The following RFC1 variants were observed in gnomAD, a reference collection of about 807,000 sequenced individuals.
The protein encoded by RFC1 is A1 140 kDa subunit.
A neutral mutation model predicts 137.4 loss-of-function variants in RFC1; 37 were observed. That is an observed-to-expected ratio of 0.27 (90% confidence interval 0.21 to 0.35). The LOEUF is 0.35. RFC1 is among the 10% of genes least tolerant of loss of function. The pLI, the probability that RFC1 is intolerant of heterozygous loss-of-function variation, is 1.00. For missense variants in RFC1, 1,205 were observed against 1,358.5 expected, an observed-to-expected ratio of 0.89 and a Z score of 1.78; for synonymous variants, 429 against 455.7, an observed-to-expected ratio of 0.94 and a Z score of 0.75.
chr4:39,311,427 C>T lies in RFC1; in HGVS notation c.1488+18G>A, dbSNP rs1427911725. 8 of 1,596,320 alleles carry T rather than the reference C, an allele frequency of 5.0e-6. No individual in the cohort carries two copies. Among genetic ancestry groups the T allele is most frequent in the African/African-American group, 1.3e-5 (1 of 74,514 alleles). On this transcript the variant is annotated intron_variant, in intron 12 of 24. Coordinates refer to ENST00000349703, the MANE Select transcript of RFC1 (RefSeq NM_002913.5). ...AGTTAATATACACCAACTTAAATCA[C>T]ATTCATTTTATACGAACCTCAGTTT...
At chr4:39,356,441 C>G (rs909916228) in intron 1 of RFC1, among the ~76,000 whole-genome samples, 5 of 152,162 alleles carry the variant, frequency 3.3e-5, no homozygotes, top group Admixed American at 1.3e-4. Flanking sequence ...GGTTATTCCT[C>G]AGGCCACTGA....
chr4:39,340,555 G>C (rs540261532), intron 4 of RFC1, among the ~76,000 whole-genome samples: 1 of 152,114 alleles, frequency 6.6e-6, no homozygotes, highest in Non-Finnish European at 1.5e-5. Flanking sequence ...AACGTAAAGA[G>C]TAATGAAAGC....
intron 4 of RFC1, among the ~76,000 whole-genome samples, chr4:39,330,664 G>C (rs773325639): frequency 1.2e-4 from 18 of 152,188 alleles, no homozygotes; most frequent in Non-Finnish European, 2.6e-4. Context: ...AGATAAGTTA[G>C]CAGGCTCCTA....
chr4:39,327,467 A>T, intron 5 of RFC1, 57 bp downstream of exon 5: 1 of 1,060,226 alleles, frequency 9.4e-7, no homozygotes, highest in Non-Finnish European at 1.4e-6. Context: ...TTCTCCTGTT[A>T]ATATTAGTGA....
chr4:39,296,724 T>C (rs1285020416), intron 21 of RFC1, among the ~76,000 whole-genome samples: 3 of 151,290 alleles, frequency 2.0e-5, no homozygotes, highest in African/African-American at 4.9e-5. Flanking sequence ...CATGTGCATG[T>C]GTCTTTATAG....
intron 14 of RFC1, 88 bp from the exon 15 acceptor site, chr4:39,305,016 G>C (rs554115633): frequency 1.3e-6 from 1 of 774,278 alleles, no homozygotes; most frequent in African/African-American, 1.7e-5. Context: ...AAAGAAAGAA[G>C]GTACAAAATT....
In RFC1 at chr4:39,304,841, T is replaced by C. The variant is rs1738555317; in HGVS notation, c.2083A>G (p.Asn695Asp). 2 of 1,610,730 alleles carry C rather than the reference T, an allele frequency of 1.2e-6. No individual in the cohort carries two copies. The highest frequency in any genetic ancestry group is 8.5e-7 in the Non-Finnish European group (1 of 1,177,056). Residue 695 changes from asparagine to aspartate, a missense_variant, in exon 15 of 25, where the codon AAT becomes GAT. This residue lies in a region of RFC1 where 962 missense variants were observed against 1,035.3 expected (regional missense o/e 0.93). Transcript: ENST00000349703. ...LKAIVAESLN[N>D]TSIKGFYSNG... The stretch of plus-strand genomic sequence containing the variant: ...GAATAAAAGCCTTTGATGCTGGTAT[T>C]GTTCAGTGACTCAGCAACAATCGCC...
Position 39,309,044 on chromosome 4 carries a change from G to A in RFC1, c.1489-12C>T. On this transcript the variant is annotated splice_polypyrimidine_tract_variant and intron_variant, in intron 12 of 24. Transcript: ENST00000349703. ...GACTCTTTCTTCATCTTAAGAAGTG[G>A]AAAAATGAGGAAAAAAGAAACCTGA... The A allele has an allele frequency of 1.3e-6, 2 of 1,569,816 alleles. No individual in the cohort carries two copies.
At position 39,362,639 on chromosome 4, in the gene RFC1, T is replaced by G. The variant is rs1350252728; in HGVS notation, c.3+3600A>C. Among the ~76,000 whole-genome samples, 5 of 152,046 alleles carry G rather than the reference T, an allele frequency of 3.3e-5. No homozygotes were observed. The East Asian group carries it at 9.6e-4, about 29-fold the overall frequency. On this transcript the variant is annotated intron_variant, in intron 1 of 24. Transcript: ENST00000349703. ...CTTCACACCCTATATAAAAATTAAC[T>G]CAGAAATGGATAAAAGTCCTAAATG...
intron 4 of RFC1, among the ~76,000 whole-genome samples, chr4:39,338,229 C>T (rs189476571): frequency 1.2e-3 from 182 of 152,184 alleles, no homozygotes; most frequent in African/African-American, 4.3e-3. Flanking sequence ...TTTTAAAAAT[C>T]AATAAATCCT....
At chr4:39,346,342 G>A (rs928040738) in intron 2 of RFC1, among the ~76,000 whole-genome samples, 7 of 152,170 alleles carry the variant, frequency 4.6e-5, no homozygotes, top group African/African-American at 1.2e-4. Flanking sequence ...CAGGCGTGGT[G>A]GTACATGCCT....
chr4:39,341,600 T>C (rs753530790), intron 4 of RFC1: 27 of 456,148 alleles, frequency 5.9e-5, no homozygotes, highest in Admixed American at 4.7e-4. Context: ...TGCTACTCAA[T>C]GTGTCAGGCA....
chr4:39,326,567 G>C lies in RFC1; in HGVS notation c.638C>G (p.Ala213Gly). 2 of 1,610,830 alleles carry C rather than the reference G, an allele frequency of 1.2e-6. No homozygotes were observed. The highest frequency in any genetic ancestry group is 1.7e-6 in the Non-Finnish European group (2 of 1,177,752). The change falls in exon 6 of 25, where the codon GCG becomes GGG. Residue 213 changes from alanine to glycine, a missense_variant. By Grantham distance (60) the Ala-to-Gly change is moderately conservative. This residue lies in a region of RFC1 where 962 missense variants were observed against 1,035.3 expected (regional missense o/e 0.93). Coordinates refer to ENST00000349703, the MANE Select transcript of RFC1 (RefSeq NM_002913.5). ...TTCTAAGCAAAATGCCAATACCTCC[G>C]CATCTTCATCAAGCTGTAATTGCTT... is the stretch of plus-strand genomic sequence containing the variant. ...IAKQLQLDED[A>G]ELERQLHEDE...
Position 39,308,739 on chromosome 4 carries a change from C to G in RFC1, c.1782G>C (p.Ser594=). Residue 594 remains serine, a synonymous_variant, in exon 13 of 25, where the codon TCG becomes TCC. Coordinates refer to ENST00000349703, the MANE Select transcript of RFC1 (RefSeq NM_002913.5). ...LLWVDKYKPT[S]LKTIIGQQGD... is the part of the protein sequence containing the mutation. ...CTTGCTGTCCAATTATGGTCTTGAG[C>G]GAGGTTGGCTTATATTTATCCACCC... is the stretch of plus-strand genomic sequence containing the variant. 2.5e-6 allele frequency: 4 copies of G among 1,614,136 alleles called. No individual in the cohort carries two copies. The highest frequency in any genetic ancestry group is 3.4e-6 in the Non-Finnish European group (4 of 1,180,016).
intron 2 of RFC1, among the ~76,000 whole-genome samples, chr4:39,348,340 T>C (rs1001491716): frequency 1.4e-5 from 2 of 148,080 alleles, no homozygotes; most frequent in African/African-American, 2.5e-5. Context: ...GGAGATTCAC[T>C]TGAACCTGGG....
chr4:39,289,723 T>C, intron 24 of RFC1, 125 bp downstream of exon 24: 2 of 688,408 alleles, frequency 2.9e-6, no homozygotes, highest in East Asian at 2.5e-5. Context: ...TCAACCATGA[T>C]GAACAAAAAA....
At chr4:39,338,594 T>G (rs1407028592) in intron 4 of RFC1, among the ~76,000 whole-genome samples, 2 of 152,236 alleles carry the variant, frequency 1.3e-5, no homozygotes, top group Non-Finnish European at 2.9e-5. Context: ...CAAGGTAGTT[T>G]ACCTTTTTTG....
chr4:39,360,560 CAATAA>C (rs955701783), intron 1 of RFC1, among the ~76,000 whole-genome samples: 9 of 148,164 alleles, frequency 6.1e-5, no homozygotes, highest in African/African-American at 2.3e-4. Context: ...AAAATAAATA[CAATAA>C]AATAAAATAA....
chr4:39,365,563 T>C, intron 1 of RFC1: 2 of 830,162 alleles, frequency 2.4e-6, no homozygotes, highest in Non-Finnish European at 2.9e-6. Flanking sequence ...TTTTTTCAGA[T>C]TTTAAACATC....
Sources: allele counts gnomAD v4.1 joint callset (sites outside exome capture counted in the v4.1 genomes callset), GRCh38; gene constraint gnomAD v4.1.1; regional missense constraint gnomAD v4.1.1; transcripts MANE v1.5; gene names NCBI Gene and HGNC (gene_info 2026-07-23, HGNC 2026-07-21).